The following OVGP1 variants were observed in gnomAD, a reference collection of about 807,000 sequenced individuals.
OVGP1 encodes oviductal glycoprotein 1.
Under a neutral mutation model 48.2 loss-of-function variants are expected in OVGP1, and 26 were observed. The observed-to-expected ratio is 0.54, with a 90% CI of 0.40 to 0.75. The LOEUF (loss-of-function observed/expected upper bound fraction) is 0.75, where lower values mean the gene tolerates loss of function less well. Among genes scored for constraint, OVGP1 ranks in the 30% least tolerant of loss-of-function variants. The pLI, the probability that OVGP1 is intolerant of heterozygous loss-of-function variation, is 0.00. For synonymous variants in OVGP1, 294 were observed against 305.7 expected, an observed-to-expected ratio of 0.96 and a Z score of 0.40; for missense variants, 791 against 820.6, an observed-to-expected ratio of 0.96 and a Z score of 0.44.
At position 111,421,325 on chromosome 1, in the gene OVGP1, GC is replaced by G; in HGVS notation, c.853del (p.Ala285HisfsTer60). 6.2e-7 allele frequency: 1 copy of G among 1,613,736 alleles called. No individual in the cohort carries two copies. Among genetic ancestry groups the G allele is most frequent in the Non-Finnish European group, 8.5e-7 (1 of 1,179,900 alleles). ...TTGCTTGGTGTACTTCCCTGGAGAT[GC>G]TGGTCCGATCGCTCTGGCCTGCAAC... ...NGLQARAIGP[A>X]SPGKYTKQEG... On this transcript the variant is annotated frameshift_variant, in exon 8 of 11. Coordinates refer to ENST00000369732, the MANE Select transcript of OVGP1 (RefSeq NM_002557.4). LOFTEE classifies it high-confidence loss of function.
At position 111,415,483 on chromosome 1, in the gene OVGP1, A is replaced by T. The variant is rs953479010; in HGVS notation, c.1157-139T>A. On this transcript the variant is annotated intron_variant, in intron 10 of 10. Coordinates refer to ENST00000369732, the MANE Select transcript of OVGP1 (RefSeq NM_002557.4). Reference sequence around the variant, plus strand: ...AAGTGTAAGATTTCATACTATACCTACTTGAGGACATAGATGAAATCCCAC... The same window carrying T: ...AAGTGTAAGATTTCATACTATACCTTCTTGAGGACATAGATGAAATCCCAC... 49 of 726,748 alleles carry T rather than the reference A, an allele frequency of 6.7e-5. No individual in the cohort carries two copies. In the African/African-American group the frequency reaches 8.4e-4, roughly 12 times the overall value. The allele number at this position is 726,748 out of a possible 1,614,324, so 45.0% of individuals were successfully genotyped here. A position where few individuals can be genotyped will look rare whatever the true frequency, so the allele number is the denominator to read the frequency against.
chr1:111,415,426 C>T, intron 10 of OVGP1, 82 bp from the exon 11 acceptor site: 1 of 1,305,436 alleles, frequency 7.7e-7, no homozygotes, highest in Admixed American at 2.3e-5. Flanking sequence ...TAGAACCAAT[C>T]CAGGGCTGAA....
chr1:111,423,378 A>G (rs1478128439), intron 5 of OVGP1, among the ~76,000 whole-genome samples, 165 bp downstream of exon 5: 1 of 152,194 alleles, frequency 6.6e-6, no homozygotes, highest in African/African-American at 2.4e-5. Flanking sequence ...GAAAAGAGCA[A>G]CCTCAGGGAG....
intron 3 of OVGP1, among the ~76,000 whole-genome samples, chr1:111,426,178 T>A (rs960372638): frequency 2.0e-5 from 3 of 152,032 alleles, no homozygotes; most frequent in Non-Finnish European, 2.9e-5. Flanking sequence ...AAAGGCTGAG[T>A]TGGGTTTTGC....
intron 9 of OVGP1, 101 bp from the exon 10 acceptor site, chr1:111,416,559 G>C: frequency 9.2e-7 from 1 of 1,083,356 alleles, no homozygotes; most frequent in Non-Finnish European, 1.3e-6. Context: ...CAATGTAGCT[G>C]GGTGGTTAGG....
Position 111,419,722 on chromosome 1 carries a change from C to A in OVGP1, c.908G>T (p.Cys303Phe). 6.2e-7 allele frequency: 1 copy of A among 1,600,102 alleles called. No homozygotes were observed. The change falls in exon 9 of 11, where the codon TGT becomes TTT. Residue 303 changes from cysteine (C) to phenylalanine (F), a missense_variant. Coordinates refer to ENST00000369732, the MANE Select transcript of OVGP1 (RefSeq NM_002557.4). ...CTTCTTCGCTCCCCAGACAAAGGAA[C>A]AAATCTGCCAAGAGGACCACCAGGT... ...QEGFLAYFEI[C>F]SFVWGAKKHW...
chr1:111,426,695 T>G (rs1458459877), intron 2 of OVGP1, 54 bp from the exon 3 acceptor site: 2 of 1,580,880 alleles, frequency 1.3e-6, no homozygotes, highest in East Asian at 4.7e-5. Context: ...GGGATGGAGC[T>G]CAGCTTCCAG....
chr1:111,421,464 G>T lies in OVGP1; in HGVS notation c.718-3C>A. On this transcript the variant is annotated splice_region_variant and splice_polypyrimidine_tract_variant and intron_variant, in intron 7 of 10. Coordinates refer to ENST00000369732, the MANE Select transcript of OVGP1 (RefSeq NM_002557.4). The stretch of plus-strand genomic sequence containing the variant: ...CTCCAATAATTCATAGCATATGCCT[G>T]CAGGTAAGAAGAATCCAGACTCCTC... The T allele has an allele frequency of 6.2e-7, 1 of 1,609,912 alleles. No homozygotes were observed. The highest frequency in any genetic ancestry group is 8.5e-7 in the Non-Finnish European group (1 of 1,178,180).
chr1:111,416,512 T>A (rs1652141093), intron 9 of OVGP1, 54 bp from the exon 10 acceptor site: 2 of 1,505,560 alleles, frequency 1.3e-6, no homozygotes, highest in South Asian at 1.3e-5. Flanking sequence ...CTAGACTGGG[T>A]ACAATGGCAA....
In OVGP1 at chr1:111,414,828, C is replaced by G. The variant is rs758767710; in HGVS notation, c.1673G>C (p.Arg558Thr). Residue 558 changes from arginine (R) to threonine (T), a missense_variant, in exon 11 of 11, where the codon AGA (arginine) becomes ACA (threonine). Physicochemically the swap from Arg to Thr is moderately conservative, Grantham distance 71. Transcript: ENST00000369732. Reference sequence around the variant, plus strand: ...CCTTCTAGGGGCCACTGTATTCTGTCTAAGGGTCTCAGTCTGAAAATGGAC... The same window carrying G: ...CCTTCTAGGGGCCACTGTATTCTGTGTAAGGGTCTCAGTCTGAAAATGGAC... ...TPVHFQTETLRQNTVAPRRKA... is the reference protein window; with the variant it reads ...TPVHFQTETLTQNTVAPRRKA... 6.3e-7 allele frequency: 1 copy of G among 1,595,404 alleles called. No individual in the cohort carries two copies. Among genetic ancestry groups the G allele is most frequent in the Non-Finnish European group, 8.6e-7 (1 of 1,167,986 alleles).
rs774759142 is a variant in OVGP1 at position 111,415,305 on chromosome 1, G to C, written c.1196C>G (p.Ser399Cys). 1 of 1,612,680 alleles carries C rather than the reference G, an allele frequency of 6.2e-7. No homozygotes were observed. Among genetic ancestry groups the C allele is most frequent in the Non-Finnish European group, 8.5e-7 (1 of 1,178,924 alleles). ...STSLPQFWLS[S>C]AVNSSSTDPE... ...GTCAGTGCTTGAAGAATTCACAGCA[G>C]ATGACAGCCAAAATTGTGGTAAAGA... Residue 399 changes from serine to cysteine, a missense_variant, in exon 11 of 11, where the codon TCT (serine) becomes TGT (cysteine). By Grantham distance (112) the Ser-to-Cys change is moderately radical. Coordinates refer to ENST00000369732, the MANE Select transcript of OVGP1 (RefSeq NM_002557.4).
chr1:111,414,332 A>C lies in OVGP1; in HGVS notation c.*132T>G, dbSNP rs915299099. 2.7e-6 allele frequency: 2 copies of C among 737,486 alleles called. No homozygotes were observed. The highest frequency in any genetic ancestry group is 4.5e-6 in the Non-Finnish European group (2 of 449,396). The allele number at this position is 737,486 out of a possible 1,614,324, so 45.7% of individuals were successfully genotyped here. A position where few individuals can be genotyped will look rare whatever the true frequency, so the allele number is the denominator to read the frequency against. On this transcript the variant is annotated 3_prime_UTR_variant, in exon 11 of 11. Transcript: ENST00000369732. Reference sequence around the variant, plus strand: ...GAACTCGGTGGGTTCTTGTGTTTACAGTTTATTTAATGGAAAAGAGATTGG... The same window carrying C: ...GAACTCGGTGGGTTCTTGTGTTTACCGTTTATTTAATGGAAAAGAGATTGG...
At chr1:111,419,766 T>C (rs1211148941) in intron 8 of OVGP1, 40 bp from the exon 9 acceptor site, 2 of 1,194,284 alleles carry the variant, frequency 1.7e-6, no homozygotes, top group Non-Finnish European at 2.5e-6. Context: ...GGAAGTGCCA[T>C]GGAGATAAGC....
At position 111,421,413 on chromosome 1, in the gene OVGP1, G is replaced by C; in HGVS notation, c.766C>G (p.Leu256Val). The C allele has an allele frequency of 6.2e-7, 1 of 1,613,510 alleles. No individual in the cohort carries two copies. Among genetic ancestry groups the C allele is most frequent in the Non-Finnish European group, 8.5e-7 (1 of 1,179,780 alleles). Residue 256 changes from leucine to valine, a missense_variant, in exon 8 of 11, where the codon CTC (leucine) becomes GTC (valine). Physicochemically the swap from Leu to Val is conservative, Grantham distance 32 (BLOSUM62 1). Coordinates refer to ENST00000369732, the MANE Select transcript of OVGP1 (RefSeq NM_002557.4). ...WRKLGAPSEKLIMGIPTYGRT... is the reference protein window; with the variant it reads ...WRKLGAPSEKVIMGIPTYGRT... The stretch of plus-strand genomic sequence containing the variant: ...CCATAGGTGGGGATCCCCATGATGA[G>C]CTTCTCTGAGGGTGCCCCAAGCTTT...
chr1:111,424,098 C>G lies in OVGP1; in HGVS notation c.318-390G>C, dbSNP rs184820269. 1.6e-4 allele frequency among the ~76,000 whole-genome samples: 24 copies of G among 152,318 alleles called. No homozygotes were observed. The East Asian group carries it at 3.7e-3, about 23-fold the overall frequency. On this transcript the variant is annotated intron_variant, in intron 4 of 10. Coordinates refer to ENST00000369732, the MANE Select transcript of OVGP1 (RefSeq NM_002557.4). ...TGCTGTCTCCTCATAGGTAACTACTCAATTCCCACAACCTGTCCTAGCACT... is the reference window on the plus strand; with the variant it reads ...TGCTGTCTCCTCATAGGTAACTACTGAATTCCCACAACCTGTCCTAGCACT...
chr1:111,423,814 G>A, intron 4 of OVGP1, 106 bp from the exon 5 acceptor site: 2 of 1,103,464 alleles, frequency 1.8e-6, no homozygotes, highest in Non-Finnish European at 2.6e-6. Flanking sequence ...GGCAGATGTG[G>A]CTGGAGGAAA....
At chr1:111,417,021 A>G (rs1180397380) in intron 9 of OVGP1, among the ~76,000 whole-genome samples, 1 of 152,246 alleles carries the variant, frequency 6.6e-6, no homozygotes, top group African/African-American at 2.4e-5. Context: ...TGAATTTCAG[A>G]CTTTAAAATG....
rs770543217 is a variant in OVGP1, at chr1:111,414,955, A to T, written c.1546T>A (p.Ser516Thr). The change falls in exon 11 of 11, where the codon TCT (serine) becomes ACT (threonine). Residue 516 changes from serine (S) to threonine (T), a missense_variant. Coordinates refer to ENST00000369732, the MANE Select transcript of OVGP1 (RefSeq NM_002557.4). ...QKTLTSVGYQ[S>T]VTPGEKTLTP... ...AGGGTCTTTTCCCCAGGGGTCACAG[A>T]CTGATAACCCACAGAGGTCAGGGTC... 5.0e-6 allele frequency: 4 copies of T among 806,898 alleles called. No individual in the cohort carries two copies. In the East Asian group the frequency reaches 1.2e-4, roughly 24 times the overall value. The allele number at this position is 806,898 out of a possible 1,614,324, so 50.0% of individuals were successfully genotyped here.
intron 9 of OVGP1, among the ~76,000 whole-genome samples, chr1:111,417,151 A>T (rs1652156667): frequency 6.6e-6 from 1 of 152,262 alleles, no homozygotes; most frequent in Non-Finnish European, 1.5e-5. Flanking sequence ...CTTCAATAAA[A>T]GTTAGCTACT....
Sources: gnomAD v4.1 joint callset for allele counts (sites outside exome capture counted in the v4.1 genomes callset) on GRCh38, gnomAD v4.1.1 for gene constraint, MANE v1.5 for transcripts, NCBI Gene and HGNC (gene_info 2026-07-23, HGNC 2026-07-21) for gene names.